Variants in FAM171A1 observed in about 807,000 individuals in gnomAD.
FAM171A1 encodes the protein protein FAM171A1.
FAM171A1 carries 23 observed loss-of-function variants against 74.9 expected under a neutral mutation model. The observed-to-expected ratio is 0.31, with a 90% CI of 0.22 to 0.44. The LOEUF is 0.44. FAM171A1 is among the 20% of genes least tolerant of loss of function. The pLI is 1.00. For synonymous variants in FAM171A1, 527 were observed against 505.7 expected, an observed-to-expected ratio of 1.04 and a Z score of -0.57; for missense variants, 1,162 against 1,159.2, an observed-to-expected ratio of 1.00 and a Z score of -0.03.
intron 1 of FAM171A1, among the ~76,000 whole-genome samples, chr10:15,293,564 T>C (rs963104123): frequency 4.7e-5 from 7 of 150,166 alleles, no homozygotes; most frequent in Non-Finnish European, 1.0e-4. Flanking sequence ...AAAATATATA[T>C]ATATATAGCA....
intron 3 of FAM171A1, among the ~76,000 whole-genome samples, chr10:15,264,127 C>T (rs1233048539): frequency 6.6e-6 from 1 of 151,906 alleles, no homozygotes; most frequent in Admixed American, 6.6e-5. Context: ...TGTAGGCACA[C>T]AACACCACAC....
intron 3 of FAM171A1, among the ~76,000 whole-genome samples, chr10:15,263,733 ATCTGTCTG>A (rs1256043761): frequency 7.6e-6 from 1 of 131,744 alleles, no homozygotes; most frequent in Non-Finnish European, 1.7e-5. Context: ...CTATCTATCT[ATCTGTCTG>A]TCTATCTATC....
intron 1 of FAM171A1, among the ~76,000 whole-genome samples, chr10:15,338,363 A>G (rs772473532): frequency 1.3e-5 from 2 of 152,256 alleles, no homozygotes; most frequent in Non-Finnish European, 2.9e-5. Flanking sequence ...GTGCCTATCA[A>G]ACTAAAAAAT....
At chr10:15,318,879 G>T (rs1357438706) in intron 1 of FAM171A1, among the ~76,000 whole-genome samples, 4 of 152,152 alleles carry the variant, frequency 2.6e-5, no homozygotes, top group African/African-American at 4.8e-5. Flanking sequence ...TGGCAAAGGT[G>T]TGACATCCTG....
intron 1 of FAM171A1, among the ~76,000 whole-genome samples, chr10:15,369,212 G>T (rs1435535242): frequency 6.9e-6 from 1 of 145,884 alleles, no homozygotes; most frequent in Non-Finnish European, 1.5e-5. Flanking sequence ...TATATATATT[G>T]AATATATATA....
intron 5 of FAM171A1, among the ~76,000 whole-genome samples, chr10:15,245,196 G>C (rs1043769865): frequency 6.6e-6 from 1 of 152,132 alleles, no homozygotes; most frequent in African/African-American, 2.4e-5. Flanking sequence ...CTCTGGCGTA[G>C]CTGGGATTAT....
chr10:15,332,912 G>A (rs1436125075), intron 1 of FAM171A1, among the ~76,000 whole-genome samples: 2 of 120,796 alleles, frequency 1.7e-5, no homozygotes, highest in African/African-American at 3.0e-5. Context: ...TCTATTAAAG[G>A]GTGTTCAAGC....
chr10:15,293,397 CT>C (rs1176143686), intron 1 of FAM171A1, among the ~76,000 whole-genome samples: 1 of 151,888 alleles, frequency 6.6e-6, no homozygotes, highest in Non-Finnish European at 1.5e-5. Flanking sequence ...CTGCTATATG[CT>C]TAGCATGATA....
At chr10:15,328,496 T>C (rs1049013966) in intron 1 of FAM171A1, among the ~76,000 whole-genome samples, 8 of 152,186 alleles carry the variant, frequency 5.3e-5, no homozygotes, top group African/African-American at 1.9e-4. Context: ...AGATGCCTTG[T>C]AGTTTAACCC....
intron 5 of FAM171A1, among the ~76,000 whole-genome samples, chr10:15,224,963 AC>A (rs1390211075): frequency 3.3e-5 from 5 of 152,288 alleles, no homozygotes; most frequent in Non-Finnish European, 7.3e-5. Context: ...CCAAAAATCT[AC>A]CCAGTCTTTC....
intron 3 of FAM171A1, among the ~76,000 whole-genome samples, chr10:15,273,862 C>G (rs552979271): frequency 1.3e-5 from 2 of 152,118 alleles, no homozygotes; most frequent in Non-Finnish European, 2.9e-5. Flanking sequence ...TCTCAATAAA[C>G]TAGGTATTGA....
At chr10:15,245,062 C>A (rs1205184841) in intron 5 of FAM171A1, among the ~76,000 whole-genome samples, 2 of 148,652 alleles carry the variant, frequency 1.3e-5, no homozygotes, top group South Asian at 4.2e-4. Flanking sequence ...TTTTTTTTTT[C>A]TTATTTATTT....
intron 1 of FAM171A1, among the ~76,000 whole-genome samples, chr10:15,323,779 A>G (rs1835516645): frequency 6.6e-6 from 1 of 152,152 alleles, no homozygotes; most frequent in African/African-American, 2.4e-5. Context: ...AAGCAATAAG[A>G]GTTGGAAGGA....
chr10:15,219,559 T>C (rs1441580746), intron 6 of FAM171A1, among the ~76,000 whole-genome samples: 1 of 152,148 alleles, frequency 6.6e-6, no homozygotes, highest in Non-Finnish European at 1.5e-5. Context: ...ACAAAAACAA[T>C]AGCATCAAGG....
intron 5 of FAM171A1, among the ~76,000 whole-genome samples, chr10:15,227,185 G>A (rs1588498393): frequency 6.6e-6 from 1 of 152,120 alleles, no homozygotes. Context: ...ATTTTTAATG[G>A]AAATGGAGTT....
upstream of FAM171A1, among the ~76,000 whole-genome samples, chr10:15,372,802 ATTCCAAC>A (rs1836166155): frequency 6.6e-6 from 1 of 151,734 alleles, no homozygotes. Flanking sequence ...GACCCCCTCC[ATTCCAAC>A]CTCAACTTTT....
intron 5 of FAM171A1, among the ~76,000 whole-genome samples, chr10:15,221,322 C>T (rs1834036641): frequency 6.6e-6 from 1 of 152,158 alleles, no homozygotes; most frequent in Non-Finnish European, 1.5e-5. Context: ...TATCAAACAA[C>T]CCTCCTTCCA....
intron 1 of FAM171A1, among the ~76,000 whole-genome samples, chr10:15,334,196 T>C (rs1320232338): frequency 6.6e-6 from 1 of 152,226 alleles, no homozygotes; most frequent in Non-Finnish European, 1.5e-5. Context: ...CCATTACCCT[T>C]TTCTCTAGCC....
At chr10:15,301,156 T>C (rs1449506385) in intron 1 of FAM171A1, among the ~76,000 whole-genome samples, 2 of 152,130 alleles carry the variant, frequency 1.3e-5, no homozygotes, top group Non-Finnish European at 2.9e-5. Flanking sequence ...GTGCTGTCTG[T>C]TCTGAGCTAT....
Sources: gnomAD v4.1 joint callset for allele counts (sites outside exome capture counted in the v4.1 genomes callset) on GRCh38, gnomAD v4.1.1 for gene constraint, MANE v1.5 for transcripts, NCBI Gene and HGNC (gene_info 2026-07-23, HGNC 2026-07-21) for gene names.